Variants in RPS6KC1 observed in about 807,000 individuals in gnomAD.
The protein encoded by RPS6KC1 is ribosomal protein S6 kinase C1.
Under a neutral mutation model 103.8 loss-of-function variants are expected in RPS6KC1, and 54 were observed. The ratio of observed to expected loss-of-function variants is 0.52; its 90% CI spans 0.42 to 0.65. The LOEUF is 0.65. RPS6KC1 is among the 30% of genes least tolerant of loss of function. RPS6KC1 has a pLI of 0.00. For synonymous variants in RPS6KC1, 439 were observed against 438.7 expected (o/e 1.00, Z -0.01); for missense variants, 1,151 against 1,253.8 (o/e 0.92, Z 1.24).
the RPS6KC1 span, among the ~76,000 whole-genome samples, chr1:213,313,753 A>G: frequency 6.6e-6 from 1 of 152,140 alleles, no homozygotes; most frequent in Non-Finnish European, 1.5e-5. Context: ...TCACCAGGTC[A>G]GGAGACTGAG....
At chr1:213,601,940 CTTTT>C in the RPS6KC1 span, among the ~76,000 whole-genome samples, 2 of 113,550 alleles carry the variant, frequency 1.8e-5, no homozygotes, top group African/African-American at 3.2e-5. Context: ...TTCCTTCCTT[CTTTT>C]CTTTTCTCTT....
At chr1:213,580,347 A>C in the RPS6KC1 span, among the ~76,000 whole-genome samples, 1 of 152,104 alleles carries the variant, frequency 6.6e-6, no homozygotes, top group Non-Finnish European at 1.5e-5. Flanking sequence ...TTATGATAAA[A>C]CTTGAATTAA....
chr1:213,362,174 T>G, the RPS6KC1 span, among the ~76,000 whole-genome samples: 3 of 152,090 alleles, frequency 2.0e-5, no homozygotes, highest in African/African-American at 7.2e-5. Flanking sequence ...GAGAAGAGGA[T>G]GGAGTTGGGC....
the RPS6KC1 span, among the ~76,000 whole-genome samples, chr1:213,617,350 A>G: frequency 6.6e-6 from 1 of 152,150 alleles, no homozygotes; most frequent in African/African-American, 2.4e-5. Context: ...AGCCAAATGT[A>G]TGTAACTGAC....
chr1:213,158,681 C>CT (rs924834135), intron 6 of RPS6KC1, among the ~76,000 whole-genome samples: 22 of 151,966 alleles, frequency 1.4e-4, no homozygotes, highest in African/African-American at 4.8e-4. Context: ...TTTTTTTAAA[C>CT]TTTTTTTGAA....
chr1:213,306,961 T>C, the RPS6KC1 span, among the ~76,000 whole-genome samples: 15 of 152,106 alleles, frequency 9.9e-5, no homozygotes, highest in Non-Finnish European at 2.1e-4. Context: ...ACCTCTGAGC[T>C]AATTTGACTG....
the RPS6KC1 span, among the ~76,000 whole-genome samples, chr1:213,414,777 G>C: frequency 5.3e-5 from 8 of 150,296 alleles, no homozygotes; most frequent in Non-Finnish European, 1.2e-4. Flanking sequence ...CCATGATTTA[G>C]ATGGGTAACT....
At chr1:213,764,980 C>T in the RPS6KC1 span, among the ~76,000 whole-genome samples, 1 of 152,154 alleles carries the variant, frequency 6.6e-6, no homozygotes, top group South Asian at 2.1e-4. Context: ...TCTCACCATC[C>T]ATTCTCCATG....
the RPS6KC1 span, among the ~76,000 whole-genome samples, chr1:213,602,724 T>A: frequency 6.6e-6 from 1 of 152,198 alleles, no homozygotes; most frequent in Non-Finnish European, 1.5e-5. Flanking sequence ...AGCAAAGATA[T>A]ACCCATTTCT....
At chr1:213,666,621 A>G in the RPS6KC1 span, among the ~76,000 whole-genome samples, 1 of 152,236 alleles carries the variant, frequency 6.6e-6, no homozygotes, top group East Asian at 1.9e-4. Flanking sequence ...GTCAAGTTAC[A>G]ATGTACTTGG....
chr1:213,825,561 G>T, the RPS6KC1 span, among the ~76,000 whole-genome samples: 1 of 152,128 alleles, frequency 6.6e-6, no homozygotes, highest in Non-Finnish European at 1.5e-5. Flanking sequence ...GCTCATTTTT[G>T]ATGGGTTGCC....
At chr1:213,406,742 G>A in the RPS6KC1 span, among the ~76,000 whole-genome samples, 1 of 152,192 alleles carries the variant, frequency 6.6e-6, no homozygotes, top group Non-Finnish European at 1.5e-5. Context: ...ACAGCACTAA[G>A]CTATTGTGAT....
At chr1:213,529,521 C>T in the RPS6KC1 span, among the ~76,000 whole-genome samples, 1 of 152,190 alleles carries the variant, frequency 6.6e-6, no homozygotes, top group Non-Finnish European at 1.5e-5. Context: ...CACATACACA[C>T]AGAAACACAA....
At chr1:213,486,697 G>A in the RPS6KC1 span, among the ~76,000 whole-genome samples, 1 of 152,194 alleles carries the variant, frequency 6.6e-6, no homozygotes, top group Admixed American at 6.5e-5. Flanking sequence ...TGGAGCTGGA[G>A]CCATAGACTC....
the RPS6KC1 span, among the ~76,000 whole-genome samples, chr1:213,715,903 CT>C: frequency 6.6e-6 from 1 of 152,166 alleles, no homozygotes; most frequent in East Asian, 1.9e-4. Context: ...CCAAATGCCC[CT>C]CTCAAGATTT....
chr1:213,454,145 C>CA, the RPS6KC1 span, among the ~76,000 whole-genome samples: 1 of 125,646 alleles, frequency 8.0e-6, no homozygotes, highest in Admixed American at 7.5e-5. Context: ...TTTTTGACCA[C>CA]ATGGGGGGGG....
intron 6 of RPS6KC1, among the ~76,000 whole-genome samples, chr1:213,132,518 A>G (rs757624929): frequency 3.3e-5 from 5 of 152,210 alleles, no homozygotes; most frequent in African/African-American, 9.6e-5. Context: ...CTGTACTAGC[A>G]TACTAGTCAC....
At chr1:213,783,478 C>T in the RPS6KC1 span, among the ~76,000 whole-genome samples, 3 of 151,060 alleles carry the variant, frequency 2.0e-5, no homozygotes, top group Admixed American at 6.6e-5. Flanking sequence ...TTTGTTGCCT[C>T]CCCCCCTCAG....
the RPS6KC1 span, among the ~76,000 whole-genome samples, chr1:213,571,249 T>C: frequency 0.011 from 1,678 of 152,342 alleles, 13 homozygotes; most frequent in Middle Eastern, 0.02. Context: ...CTGATTTTTA[T>C]TGAGCATCTT....
Sources: gnomAD v4.1 joint callset for allele counts (sites outside exome capture counted in the v4.1 genomes callset) on GRCh38, gnomAD v4.1.1 for gene constraint, MANE v1.5 for transcripts, NCBI Gene and HGNC (gene_info 2026-07-23, HGNC 2026-07-21) for gene names.